ATP2C2: variants seen among roughly 807,000 people sequenced by gnomAD.
The protein encoded by ATP2C2 is ATPase secretory pathway Ca2+ transporting 2, also known as calcium-transporting ATPase type 2C member 2.
ATP2C2 carries 171 observed loss-of-function variants against 110.8 expected under a neutral mutation model. The ratio of observed to expected loss-of-function variants is 1.54; its 90% CI spans 1.36 to 1.75. ATP2C2 has a LOEUF of 1.75. Among genes scored for constraint, ATP2C2 ranks in the 40% most tolerant of loss-of-function variants. The pLI is 0.00. For synonymous variants in ATP2C2, 804 were observed against 508.4 expected (o/e 1.58, Z -7.82); for missense variants, 1,963 against 1,235.0 (o/e 1.59, Z -8.84).
At chr16:84,403,815 T>C (rs4782957) in intron 2 of ATP2C2, among the ~76,000 whole-genome samples, 73,096 of 151,854 alleles carry the variant, frequency 0.48, 18,581 homozygotes, top group South Asian at 0.63. Flanking sequence ...CTCAGCCTCC[T>C]GAGTGGCTGG....
At position 84,440,892 on chromosome 16, in the gene ATP2C2, G is replaced by C. The variant is rs1263996710; in HGVS notation, c.1245G>C (p.Val415=). ...TTGGGTATGACGGTCAAGGGACTGT[G>C]TGTCTTCTACCATCCAAGGAAGTCA... ...SGVGYDGQGT[V]CLLPSKEVIK... is the part of the protein sequence containing the mutation. Residue 415 remains valine (V), a synonymous_variant, in exon 14 of 27, where the codon GTG becomes GTC. Coordinates refer to ENST00000262429, the MANE Select transcript of ATP2C2 (RefSeq NM_014861.4). The C allele has an allele frequency of 6.2e-7, 1 of 1,613,638 alleles. No individual in the cohort carries two copies.
intron 16 of ATP2C2, among the ~76,000 whole-genome samples, chr16:84,447,178 G>A (rs1909829525): frequency 6.6e-6 from 1 of 151,778 alleles, no homozygotes; most frequent in African/African-American, 2.4e-5. Flanking sequence ...AATCTATCAT[G>A]TCTGCCCACG....
intron 6 of ATP2C2, among the ~76,000 whole-genome samples, chr16:84,411,737 C>T (rs1013184336): frequency 1.3e-5 from 2 of 152,082 alleles, no homozygotes; most frequent in Admixed American, 6.5e-5. Flanking sequence ...CCACCGTGCC[C>T]GGCCGACAAA....
At chr16:84,410,956 C>A in intron 6 of ATP2C2, 191 bp downstream of exon 6, 2 of 614,270 alleles carry the variant, frequency 3.3e-6, no homozygotes, top group East Asian at 2.8e-5. Flanking sequence ...GTCACTCAAC[C>A]TCTCTGGGCC....
At position 84,422,640 on chromosome 16, in the gene ATP2C2, T is replaced by A; in HGVS notation, c.786T>A (p.Ile262=). The change falls in exon 9 of 27, where the codon ATT becomes ATA. Residue 262 remains isoleucine (I), a synonymous_variant. Transcript: ENST00000262429. Reference sequence around the variant, plus strand: ...TCTCCTGGACACAGGGGGTCGTGATTGGAACAGGGGAAAGCTCTCAGTTCG... The same window carrying A: ...TCTCCTGGACACAGGGGGTCGTGATAGGAACAGGGGAAAGCTCTCAGTTCG... ...VQYGRGQGVV[I]GTGESSQFGE... 6.2e-7 allele frequency: 1 copy of A among 1,613,518 alleles called. No individual in the cohort carries two copies. Among genetic ancestry groups the A allele is most frequent in the Non-Finnish European group, 8.5e-7 (1 of 1,179,754 alleles).
In ATP2C2 at chr16:84,429,753, T is replaced by G. The variant is rs1488030898; in HGVS notation, c.986+3952T>G. On this transcript the variant is annotated intron_variant, in intron 11 of 26. Transcript: ENST00000262429. ...GAGCTGTGGCTGATGTGATGAGGCC[T>G]TGGAGGAGACTGGGTGTGCATATTC... Among the ~76,000 whole-genome samples the G allele has an allele frequency of 2.0e-5, 3 of 152,090 alleles. No individual in the cohort carries two copies. The East Asian group carries it at 5.8e-4, about 29-fold the overall frequency.
At chr16:84,398,167 C>T (rs1043044754) in intron 1 of ATP2C2, among the ~76,000 whole-genome samples, 8 of 150,132 alleles carry the variant, frequency 5.3e-5, no homozygotes, top group African/African-American at 1.0e-4. Context: ...TTTGGGAGGC[C>T]GAGGCAAGCG....
intron 17 of ATP2C2, 88 bp from the exon 18 acceptor site, chr16:84,451,833 T>C (rs1394682049): frequency 5.2e-6 from 7 of 1,339,910 alleles, no homozygotes; most frequent in East Asian, 4.6e-5. Flanking sequence ...AACAAAACTC[T>C]CTTAAAAAAC....
At position 84,415,547 on chromosome 16, in the gene ATP2C2, C is replaced by G. The variant is rs757585577; in HGVS notation, c.580C>G (p.Leu194Val). ...RELVPGDVVS[L>V]SIGDRIPADI... ...ACTGGTTCCTGGTGATGTCGTATCT[C>G]TCTCGATCGGAGACCGGATCCCTGC... Residue 194 changes from leucine (L) to valine (V), a missense_variant, in exon 7 of 27, where the codon CTC becomes GTC. Physicochemically the swap from Leu to Val is conservative, Grantham distance 32. Transcript: ENST00000262429. 1.9e-6 allele frequency: 3 copies of G among 1,614,148 alleles called. No individual in the cohort carries two copies. The highest frequency in any genetic ancestry group is 1.1e-5 in the South Asian group (1 of 91,074).
intron 1 of ATP2C2, among the ~76,000 whole-genome samples, chr16:84,379,840 T>C (rs993321792): frequency 3.3e-5 from 5 of 152,020 alleles, no homozygotes; most frequent in African/African-American, 1.2e-4. Flanking sequence ...AGTGAGTATA[T>C]AATTACACAC....
intron 1 of ATP2C2, among the ~76,000 whole-genome samples, chr16:84,383,857 T>C (rs1904290726): frequency 7.0e-6 from 1 of 143,160 alleles, no homozygotes; most frequent in Non-Finnish European, 1.5e-5. Flanking sequence ...TAGCGCAATC[T>C]CGGCTCACTG....
intron 1 of ATP2C2, among the ~76,000 whole-genome samples, chr16:84,398,129 G>T (rs1567695082): frequency 6.6e-6 from 1 of 151,590 alleles, no homozygotes; most frequent in East Asian, 1.9e-4. Context: ...GTGGCCGGGC[G>T]CAGTGGCTCC....
intron 7 of ATP2C2, among the ~76,000 whole-genome samples, chr16:84,416,230 G>C (rs1906823559): frequency 1.3e-5 from 2 of 152,204 alleles, no homozygotes; most frequent in African/African-American, 4.8e-5. Flanking sequence ...GTGGGTCTCT[G>C]GGTGTCACAG....
intron 7 of ATP2C2, among the ~76,000 whole-genome samples, chr16:84,416,722 G>A (rs1264945066): frequency 2.0e-5 from 3 of 152,132 alleles, no homozygotes; most frequent in Non-Finnish European, 4.4e-5. Context: ...TCAGGCTGGT[G>A]CCCTCTGTAG....
At chr16:84,375,025 T>C (rs1207654745) in intron 1 of ATP2C2, among the ~76,000 whole-genome samples, 1 of 152,224 alleles carries the variant, frequency 6.6e-6, no homozygotes, top group Non-Finnish European at 1.5e-5. Context: ...TATAGACACC[T>C]GGTAAGAAGG....
At chr16:84,461,901 C>A in intron 25 of ATP2C2, 87 bp from the exon 26 acceptor site, 1 of 1,607,758 alleles carries the variant, frequency 6.2e-7, no homozygotes, top group East Asian at 2.2e-5. Context: ...TTGAGCGGCT[C>A]TGGCTCAGCG....
At chr16:84,369,206 G>T (rs1332780020) in intron 1 of ATP2C2, among the ~76,000 whole-genome samples, 1 of 152,232 alleles carries the variant, frequency 6.6e-6, no homozygotes, top group Non-Finnish European at 1.5e-5. Context: ...CCTACAGTCA[G>T]GTACTTTTAG....
rs568403499 is a variant in ATP2C2 at position 84,463,730 on chromosome 16, T to C, written c.2839T>C (p.Ter947GlnextTer90). 2.1e-5 allele frequency: 33 copies of C among 1,609,532 alleles called. No homozygotes were observed. The highest frequency in any genetic ancestry group is 2.7e-5 in the Non-Finnish European group (32 of 1,175,796). Reference protein sequence around the residue: ...KRVQMHPEDV* With the variant: ...KRVQMHPEDVQ ...AGTCCAGATGCACCCTGAAGATGTG[T>C]AGTGGACCGCACTCCGCGGCACCTT... The change falls in exon 27 of 27, where the codon TAG becomes CAG. Residue 947 changes from the stop codon to glutamine (Q), a stop_lost. Transcript: ENST00000262429.
chr16:84,396,549 CAAAAAAAAAAAA>C (rs57290176), intron 1 of ATP2C2, among the ~76,000 whole-genome samples: 2 of 74,788 alleles, frequency 2.7e-5, no homozygotes, highest in African/African-American at 9.3e-5. Flanking sequence ...GGCTCTATCT[CAAAAAAAAAAAA>C]AAAAAAAAAA....
Sources: gnomAD v4.1 joint callset for allele counts (sites outside exome capture counted in the v4.1 genomes callset) on GRCh38, gnomAD v4.1.1 for gene constraint, MANE v1.5 for transcripts, NCBI Gene and HGNC (gene_info 2026-07-23, HGNC 2026-07-21) for gene names.